The following MAX variants were observed in gnomAD, a reference collection of about 807,000 sequenced individuals.
MAX encodes protein max.
MAX carries 3 observed loss-of-function variants against 22.3 expected under a neutral mutation model. The observed-to-expected ratio is 0.13, with a 90% CI of 0.06 to 0.35. The LOEUF (loss-of-function observed/expected upper bound fraction) is 0.35, where lower values mean the gene tolerates loss of function less well. Ranked by LOEUF, MAX falls within the 10% of genes least tolerant of loss-of-function variation. MAX has a pLI of 1.00. For missense variants in MAX, 119 were observed against 209.4 expected, an observed-to-expected ratio of 0.57 and a Z score of 2.66; for synonymous variants, 72 against 77.7, an observed-to-expected ratio of 0.93 and a Z score of 0.39.
intron 3 of MAX, among the ~76,000 whole-genome samples, chr14:65,057,558 AG>A (rs2062765206): frequency 6.6e-6 from 1 of 152,148 alleles, no homozygotes; most frequent in Non-Finnish European, 1.5e-5. Flanking sequence ...CCATTTTTTG[AG>A]GGAAGCAGAC....
In MAX at chr14:65,084,181, T is replaced by C; in HGVS notation, c.172-6145A>G. ...GTAAGGGGTCAAAACAATCATTTTTTAAATCTTGCATTCTTTTTTCTTGTG... is the reference window on the plus strand; with the variant it reads ...GTAAGGGGTCAAAACAATCATTTTTCAAATCTTGCATTCTTTTTTCTTGTG... On this transcript the variant is annotated intron_variant, in intron 3 of 4. Coordinates refer to ENST00000358664, the MANE Select transcript of MAX (RefSeq NM_002382.5). This position sits in a 1 kb window ranked among gnomAD's most constrained non-coding sequence, Gnocchi z 4.3. The C allele has an allele frequency of 1.2e-6, 2 of 1,613,924 alleles. No homozygotes were observed. Among genetic ancestry groups the C allele is most frequent in the Non-Finnish European group, 1.7e-6 (2 of 1,179,818 alleles).
chr14:65,044,791 C>A lies in MAX; in HGVS notation c.172-38507G>T, dbSNP rs1248868812. On this transcript the variant is annotated intron_variant, in intron 3 of 3. Coordinates refer to the MAX transcript ENST00000341653. The surrounding 1 kb of genome is among the most constrained non-coding windows in gnomAD (Gnocchi z 5.5). ...TGGTGATTGCCACCTCCTCTGGGTG[C>A]AGGGCAGAGCTGAAAACCCTCAGTG... 2 of 240,760 alleles carry A rather than the reference C, an allele frequency of 8.3e-6. No homozygotes were observed. Among genetic ancestry groups the A allele is most frequent in the East Asian group, 1.2e-4 (1 of 8,158 alleles). 14.9% of individuals were successfully genotyped at this position (240,760 alleles called of 1,614,324 possible).
In MAX at chr14:65,044,535, G is replaced by A; in HGVS notation, c.172-38251C>T. On this transcript the variant is annotated intron_variant, in intron 3 of 3. Transcript: ENST00000341653. The surrounding 1 kb of genome is among the most constrained non-coding windows in gnomAD (Gnocchi z 5.5). ...CCCAGCGTGCTTTTTTAGAGGGGTT[G>A]AAATGAGCTCTGTCTATCCTGGATT... 1 of 1,522,396 alleles carries A rather than the reference G, an allele frequency of 6.6e-7. No homozygotes were observed. The highest frequency in any genetic ancestry group is 2.4e-5 in the East Asian group (1 of 42,514). 94.3% of individuals were successfully genotyped at this position (1,522,396 alleles called of 1,614,324 possible). A position where few individuals can be genotyped will look rare whatever the true frequency, so the allele number is the denominator to read the frequency against.
chr14:65,075,760 T>A lies in MAX; in HGVS notation c.*716A>T. 1.9e-6 allele frequency: 2 copies of A among 1,066,190 alleles called. No individual in the cohort carries two copies. Among genetic ancestry groups the A allele is most frequent in the South Asian group, 9.1e-5 (2 of 21,978 alleles). The allele number at this position is 1,066,190 out of a possible 1,614,324, so 66.0% of individuals were successfully genotyped here. ...GGTGGCTGCTGCTTCACTGCTGCCA[T>A]CTCCCATACATACCACGAGAGTGTC... On this transcript the variant is annotated 3_prime_UTR_variant, in exon 5 of 5. Coordinates refer to ENST00000358664, the MANE Select transcript of MAX (RefSeq NM_002382.5). This position sits in a 1 kb window ranked among gnomAD's most constrained non-coding sequence, Gnocchi z 4.1.
At chr14:65,042,593 C>T (rs1005079571) in intron 3 of MAX, among the ~76,000 whole-genome samples, 2 of 152,204 alleles carry the variant, frequency 1.3e-5, no homozygotes, top group African/African-American at 4.8e-5. Context: ...TCCTGCTGTG[C>T]AGCCTGGCAT....
chr14:65,017,247 C>T (rs555799655), intron 3 of MAX, among the ~76,000 whole-genome samples: 3 of 152,104 alleles, frequency 2.0e-5, no homozygotes, highest in South Asian at 4.1e-4. Context: ...AATACCAGCT[C>T]GGGGGCCTGG....
Position 65,078,033 on chromosome 14 carries a change from A to G in MAX, c.175T>C (p.Ser59Pro). 1 of 1,614,154 alleles carries G rather than the reference A, an allele frequency of 6.2e-7. No homozygotes were observed. Among genetic ancestry groups the G allele is most frequent in the Non-Finnish European group, 8.5e-7 (1 of 1,180,036 alleles). The stretch of plus-strand genomic sequence containing the variant: ...GCTTTGTCTAGGATTTGGGCCCGGG[A>G]TGCCTGTGGCAATATGAGAAAAAGC... The part of the protein sequence containing the change: ...SVPSLQGEKA[S>P]RAQILDKATE... Residue 59 changes from serine to proline, a missense_variant, in exon 4 of 5, where the codon TCC becomes CCC. Around this residue, in one of 3 missense-constraint regions of MAX, gnomAD observed 95 missense variants for 148.1 expected, o/e 0.64. Coordinates refer to ENST00000358664, the MANE Select transcript of MAX (RefSeq NM_002382.5). The surrounding 1 kb of genome is among the most constrained non-coding windows in gnomAD (Gnocchi z 6.4).
Position 65,084,313 on chromosome 14 carries a change from A to C in MAX, c.172-6277T>G. ...GAGGAAATAGAGCTAGTAAATAAAC[A>C]TGTGGAAAAGCAATTAATTTCACAA... On this transcript the variant is annotated intron_variant, in intron 3 of 4. Transcript: ENST00000358664. The surrounding 1 kb of genome is among the most constrained non-coding windows in gnomAD (Gnocchi z 4.3). 7.0e-7 allele frequency: 1 copy of C among 1,423,372 alleles called. No individual in the cohort carries two copies. The highest frequency in any genetic ancestry group is 9.9e-7 in the Non-Finnish European group (1 of 1,006,300). 88.2% of individuals were successfully genotyped at this position (1,423,372 alleles called of 1,614,324 possible).
chr14:65,038,673 G>A (rs2062271692), intron 3 of MAX, among the ~76,000 whole-genome samples: 1 of 152,170 alleles, frequency 6.6e-6, no homozygotes, highest in Admixed American at 6.5e-5. Context: ...AGCCAAGATT[G>A]TGCCACTGTA....
intron 3 of MAX, among the ~76,000 whole-genome samples, chr14:65,080,068 G>A (rs1022320082): frequency 2.6e-5 from 4 of 152,188 alleles, no homozygotes; most frequent in African/African-American, 9.7e-5. Context: ...GCTGACAAGC[G>A]TAACCTGACT....
chr14:65,044,226 C>A lies in MAX; in HGVS notation c.172-37942G>T. The A allele has an allele frequency of 6.3e-7, 1 of 1,598,956 alleles. No individual in the cohort carries two copies. The highest frequency in any genetic ancestry group is 2.2e-5 in the East Asian group (1 of 44,596). ...GCCACAAGATGGGAAACCCTCCATC[C>A]CACAGATTGACTCCTGGAGATTCTG... On this transcript the variant is annotated intron_variant, in intron 3 of 3. Transcript: ENST00000341653. The surrounding 1 kb of genome is among the most constrained non-coding windows in gnomAD (Gnocchi z 5.5).
intron 3 of MAX, among the ~76,000 whole-genome samples, chr14:65,039,791 T>A (rs140605522): frequency 0.029 from 4,344 of 152,324 alleles, 88 homozygotes; most frequent in Non-Finnish European, 0.042. Context: ...TTATAATTTT[T>A]AAAAATAACG....
chr14:65,084,214 T>C lies in MAX; in HGVS notation c.172-6178A>G, dbSNP rs1332762273. The stretch of plus-strand genomic sequence containing the variant: ...GCATTCTTTTTTCTTGTGCACTTGG[T>C]AGCTTGAAATGAAGGTGTGGCATTT... On this transcript the variant is annotated intron_variant, in intron 3 of 4. Coordinates refer to ENST00000358664, the MANE Select transcript of MAX (RefSeq NM_002382.5). This position sits in a 1 kb window ranked among gnomAD's most constrained non-coding sequence, Gnocchi z 4.3. The C allele has an allele frequency of 9.3e-6, 15 of 1,613,976 alleles. No individual in the cohort carries two copies. Among genetic ancestry groups the C allele is most frequent in the African/African-American group, 2.7e-5 (2 of 74,908 alleles).
rs2063392602 is a variant in MAX, at chr14:65,088,170, C to T, written c.171+5538G>A. ...GTCTCAGGTATGTCTTTATCAGCAG[C>T]ACGAAAACGGACTAATACAAGGGTG... On this transcript the variant is annotated intron_variant, in intron 3 of 4. Transcript: ENST00000358664. This position sits in a 1 kb window ranked among gnomAD's most constrained non-coding sequence, Gnocchi z 5.2. Among the ~76,000 whole-genome samples, 1 of 152,038 alleles carries T rather than the reference C, an allele frequency of 6.6e-6. No individual in the cohort carries two copies. Among genetic ancestry groups the T allele is most frequent in the African/African-American group, 2.4e-5 (1 of 41,402 alleles).
chr14:65,025,058 A>G (rs527931147), intron 3 of MAX, among the ~76,000 whole-genome samples: 3 of 152,330 alleles, frequency 2.0e-5, no homozygotes, highest in South Asian at 2.1e-4. Context: ...CAAGTTGGAA[A>G]GCCTTGGGAT....
chr14:65,096,926 A>T (rs1595174199), intron 2 of MAX, among the ~76,000 whole-genome samples: 1 of 152,182 alleles, frequency 6.6e-6, no homozygotes, highest in Non-Finnish European at 1.5e-5. Context: ...CAGTGGCTGG[A>T]TGCTGCCCAC....
rs774189875 is a variant in MAX, at chr14:65,009,577, C to T, written c.172-3293G>A. On this transcript the variant is annotated intron_variant, in intron 3 of 3. Transcript: ENST00000341653. This position sits in a 1 kb window ranked among gnomAD's most constrained non-coding sequence, Gnocchi z 4.2. ...AAAGAATGCAGCATCCTTCCTTATT[C>T]CAGGCTCACCTCTCCTACTATACCC... 2.0e-4 allele frequency among the ~76,000 whole-genome samples: 31 copies of T among 152,230 alleles called. No individual in the cohort carries two copies. Among genetic ancestry groups the T allele is most frequent in the Non-Finnish European group, 4.0e-4 (27 of 68,020 alleles).
Position 65,011,100 on chromosome 14 carries a change from C to A in MAX, c.172-4816G>T, listed in dbSNP as rs911768775. Among the ~76,000 whole-genome samples the A allele has an allele frequency of 6.6e-6, 1 of 152,134 alleles. No homozygotes were observed. Among genetic ancestry groups the A allele is most frequent in the Non-Finnish European group, 1.5e-5 (1 of 68,024 alleles). ...TTCCTTGTAGCCATTGATATACTTACCTCATTTCTGAATTGGAAGAGTTTT... is the reference window on the plus strand; with the variant it reads ...TTCCTTGTAGCCATTGATATACTTAACTCATTTCTGAATTGGAAGAGTTTT... On this transcript the variant is annotated intron_variant, in intron 3 of 3. Coordinates refer to the MAX transcript ENST00000341653. The surrounding 1 kb of genome is among the most constrained non-coding windows in gnomAD (Gnocchi z 4.0).
downstream of MAX, among the ~76,000 whole-genome samples, chr14:65,071,386 C>T (rs11626720): frequency 0.31 from 47,475 of 152,106 alleles, 7,573 homozygotes; most frequent in South Asian, 0.34. The surrounding 1 kb of genome is among the most constrained non-coding windows in gnomAD (Gnocchi z 4.2). Flanking sequence ...TCAAGTGATC[C>T]GCCCACCTTG....
Sources: allele counts gnomAD v4.1 joint callset (sites outside exome capture counted in the v4.1 genomes callset), GRCh38; gene constraint gnomAD v4.1.1; regional missense constraint gnomAD v4.1.1; non-coding constraint Gnocchi (gnomAD v3.1); transcripts MANE v1.5; gene names NCBI Gene and HGNC (gene_info 2026-07-23, HGNC 2026-07-21).